The following DSCAM variants were observed in gnomAD, a reference collection of about 807,000 sequenced individuals.
DSCAM encodes the protein cell adhesion molecule DSCAM.
Under a neutral mutation model 217.7 loss-of-function variants are expected in DSCAM, and 47 were observed. The ratio of observed to expected loss-of-function variants is 0.22; its 90% CI spans 0.17 to 0.28. DSCAM has a LOEUF of 0.28. Among genes scored for constraint, DSCAM ranks in the 10% least tolerant of loss-of-function variants. The probability of loss-of-function intolerance (pLI) is 1.00; values close to 1 mark genes in which losing one functional copy is unlikely to be tolerated. For missense variants in DSCAM, 2,080 were observed against 2,618.3 expected (o/e 0.79, Z 4.49); for synonymous variants, 1,056 against 1,015.3 (o/e 1.04, Z -0.76).
chr21:40,674,754 T>C (rs1445001020), intron 3 of DSCAM, among the ~76,000 whole-genome samples: 2 of 148,134 alleles, frequency 1.4e-5, no homozygotes, highest in African/African-American at 5.0e-5. Context: ...TGCCTCAGCC[T>C]CCCGGGTAGT....
chr21:40,190,280 G>A (rs1392913349), intron 11 of DSCAM, among the ~76,000 whole-genome samples: 2 of 152,084 alleles, frequency 1.3e-5, no homozygotes, highest in African/African-American at 4.8e-5. Context: ...ATAAATTGTA[G>A]ACTGCATATG....
chr21:40,094,773 G>C (rs2089655330), intron 20 of DSCAM, among the ~76,000 whole-genome samples: 2 of 152,196 alleles, frequency 1.3e-5, no homozygotes, highest in South Asian at 4.1e-4. Context: ...AAGACTTAGA[G>C]AGAACAAATT....
chr21:40,030,686 G>A (rs1206815592), intron 32 of DSCAM, among the ~76,000 whole-genome samples: 5 of 152,100 alleles, frequency 3.3e-5, no homozygotes, highest in Admixed American at 2.6e-4. Context: ...ACTCGATGTC[G>A]ACCTAAATAT....
rs74809011 is a variant in DSCAM at position 40,368,956 on chromosome 21, A to T, written c.655+143T>A. ...AATTGTACTCATATTCATTTAAAAGAGTTTTAAAATTCCTAAAATATTTTG... is the reference window on the plus strand; with the variant it reads ...AATTGTACTCATATTCATTTAAAAGTGTTTTAAAATTCCTAAAATATTTTG... On this transcript the variant is annotated intron_variant, in intron 4 of 32. Coordinates refer to ENST00000400454, the MANE Select transcript of DSCAM (RefSeq NM_001389.5). 4,876 of 893,610 alleles carry T rather than the reference A, an allele frequency of 5.5e-3. 188 individuals are homozygous for T. The African/African-American group carries it at 0.075, about 14-fold the overall frequency. The allele number at this position is 893,610 out of a possible 1,614,324, so 55.4% of individuals were successfully genotyped here. A position where few individuals can be genotyped will look rare whatever the true frequency, so the allele number is the denominator to read the frequency against.
chr21:40,348,835 A>G (rs1031875746), intron 5 of DSCAM, among the ~76,000 whole-genome samples: 1 of 152,102 alleles, frequency 6.6e-6, no homozygotes, highest in African/African-American at 2.4e-5. Context: ...ATGTTGATAT[A>G]AATCCACTGA....
At position 40,487,391 on chromosome 21, in the gene DSCAM, A is replaced by C. The variant is rs1039944839; in HGVS notation, c.509-118146T>G. 2.6e-5 allele frequency among the ~76,000 whole-genome samples: 4 copies of C among 151,668 alleles called. No homozygotes were observed. In the East Asian group the frequency reaches 5.9e-4, roughly 22 times the overall value. ...CTCACACGTAGAGGGTAAGCACTCCAGGTAGCTATAAAACATTTCACCAGT... is the reference window on the plus strand; with the variant it reads ...CTCACACGTAGAGGGTAAGCACTCCCGGTAGCTATAAAACATTTCACCAGT... On this transcript the variant is annotated intron_variant, in intron 3 of 32. Coordinates refer to ENST00000400454, the MANE Select transcript of DSCAM (RefSeq NM_001389.5).
At chr21:40,701,574 C>T (rs1267973026) in intron 2 of DSCAM, among the ~76,000 whole-genome samples, 1 of 151,962 alleles carries the variant, frequency 6.6e-6, no homozygotes, top group African/African-American at 2.4e-5. Flanking sequence ...TAAAATCTCC[C>T]TATTTTTTTA....
intron 3 of DSCAM, chr21:40,383,286 CCACTACTG>C (rs1172374255): frequency 2.0e-5 from 3 of 152,070 alleles, no homozygotes; most frequent in Admixed American, 2.0e-4. Flanking sequence ...TGAGATCATG[CCACTACTG>C]CACTCCAGCC....
At chr21:40,014,108 G>T (rs1297691934) in intron 32 of DSCAM, among the ~76,000 whole-genome samples, 1 of 152,188 alleles carries the variant, frequency 6.6e-6, no homozygotes, top group Non-Finnish European at 1.5e-5. Flanking sequence ...GCATCTGCTG[G>T]CTGGGCACGG....
chr21:40,033,326 C>A (rs993307491), intron 32 of DSCAM, among the ~76,000 whole-genome samples: 2 of 152,160 alleles, frequency 1.3e-5, no homozygotes, highest in Non-Finnish European at 2.9e-5. Flanking sequence ...GCACACCATG[C>A]GCGAGCCGAA....
At position 40,378,346 on chromosome 21, in the gene DSCAM, G is replaced by A. The variant is rs187606395; in HGVS notation, c.509-9101C>T. On this transcript the variant is annotated intron_variant, in intron 3 of 32. Transcript: ENST00000400454. ...TAAGTGGTCTTGACAAAAGGTATGGGAAATAAAAACCTCTATAGGTGGGCA... is the reference window on the plus strand; with the variant it reads ...TAAGTGGTCTTGACAAAAGGTATGGAAAATAAAAACCTCTATAGGTGGGCA... Among the ~76,000 whole-genome samples the A allele has an allele frequency of 1.8e-4, 27 of 152,182 alleles. No homozygotes were observed. The East Asian group carries it at 5.2e-3, about 29-fold the overall frequency.
chr21:40,078,617 G>T, intron 26 of DSCAM, 70 bp downstream of exon 26: 1 of 1,553,118 alleles, frequency 6.4e-7, no homozygotes, highest in Non-Finnish European at 8.7e-7. Flanking sequence ...TGTTCGATGG[G>T]AAAGGGGCAG....
intron 29 of DSCAM, among the ~76,000 whole-genome samples, chr21:40,052,311 G>T (rs554367844): frequency 6.6e-6 from 1 of 152,286 alleles, no homozygotes; most frequent in South Asian, 2.1e-4. Context: ...TCTTCCTAGG[G>T]GTTGGCTTTG....
rs61387604 is a variant in DSCAM, at chr21:40,029,377, C to A, written c.5686+12994G>T. Among the ~76,000 whole-genome samples, 32 of 151,692 alleles carry A rather than the reference C, an allele frequency of 2.1e-4. 1 individual carries two copies. The East Asian group carries it at 5.3e-3, about 25-fold the overall frequency. On this transcript the variant is annotated intron_variant, in intron 32 of 32. Transcript: ENST00000400454. ...GTGCTCATGCCCTCTGGGCCCCAGA[C>A]ACAAGGTTATGAGTTTCAGCCCCTT...
intron 26 of DSCAM, among the ~76,000 whole-genome samples, chr21:40,078,109 C>T (rs1470446156): frequency 6.6e-6 from 1 of 152,190 alleles, no homozygotes; most frequent in Non-Finnish European, 1.5e-5. Flanking sequence ...TGTCAAGAGA[C>T]ACCTCACCTA....
intron 3 of DSCAM, among the ~76,000 whole-genome samples, chr21:40,559,063 G>A (rs1441281933): frequency 6.6e-6 from 1 of 152,186 alleles, no homozygotes; most frequent in African/African-American, 2.4e-5. Flanking sequence ...AAAGTTTGAA[G>A]TGGAAACTCT....
At chr21:40,121,653 T>C (rs1166351322) in intron 20 of DSCAM, among the ~76,000 whole-genome samples, 2 of 150,494 alleles carry the variant, frequency 1.3e-5, no homozygotes, top group Admixed American at 1.3e-4. Flanking sequence ...TTCCCACCTT[T>C]TTCTGGTGGG....
At chr21:40,815,296 C>T (rs535313776) in intron 1 of DSCAM, among the ~76,000 whole-genome samples, 4 of 152,008 alleles carry the variant, frequency 2.6e-5, no homozygotes, top group African/African-American at 9.6e-5. Context: ...TCCCCCTAAA[C>T]AAAGCTCATT....
At chr21:40,307,172 G>T (rs1031924451) in intron 9 of DSCAM, among the ~76,000 whole-genome samples, 1 of 151,370 alleles carries the variant, frequency 6.6e-6, no homozygotes, top group South Asian at 2.1e-4. Flanking sequence ...GAAAATTTTC[G>T]CAACCTACTC....
Sources: allele counts gnomAD v4.1 joint callset (sites outside exome capture counted in the v4.1 genomes callset), GRCh38; gene constraint gnomAD v4.1.1; transcripts MANE v1.5; gene names NCBI Gene and HGNC (gene_info 2026-07-23, HGNC 2026-07-21).